PTPRK: variants seen among roughly 807,000 people sequenced by gnomAD.
PTPRK encodes the protein protein tyrosine phosphatase receptor type K, also known as receptor-type tyrosine-protein phosphatase kappa.
In PTPRK, 75 loss-of-function variants were observed where a neutral mutation model predicts 178.0. That is an observed-to-expected ratio of 0.42 (90% CI 0.35 to 0.51). The LOEUF (loss-of-function observed/expected upper bound fraction) is 0.51. Among genes scored for constraint, PTPRK ranks in the 20% least tolerant of loss-of-function variants. PTPRK has a pLI of 0.02. For missense variants in PTPRK, 1,441 were observed against 1,797.8 expected (o/e 0.80, Z 3.59); for synonymous variants, 637 against 620.6 (o/e 1.03, Z -0.39).
intron 7 of PTPRK, among the ~76,000 whole-genome samples, chr6:128,137,890 A>G (rs1365727701): frequency 6.6e-6 from 1 of 152,162 alleles, no homozygotes; most frequent in Non-Finnish European, 1.5e-5. Flanking sequence ...ATGGCAAGTA[A>G]TAATACAAAT....
intron 2 of PTPRK, among the ~76,000 whole-genome samples, chr6:128,324,611 C>T (rs1486314953): frequency 6.6e-6 from 1 of 152,110 alleles, no homozygotes; most frequent in Non-Finnish European, 1.5e-5. Context: ...TAATTCATCT[C>T]TATAGAATGT....
At position 128,242,555 on chromosome 6, in the gene PTPRK, G is replaced by C; in HGVS notation, c.543C>G (p.Ala181=). ...AACTCAGTACTTGGATGTCATCAAT[G>C]GCAATATAACCACTTCTCCCTCCTG... ...EVSGGRSGYI[A]IDDIQVLSYP... is the part of the protein sequence containing the mutation. The change falls in exon 4 of 30, where the codon GCC becomes GCG. Residue 181 remains alanine (A), a synonymous_variant. Coordinates refer to ENST00000368226, the MANE Select transcript of PTPRK (RefSeq NM_002844.4). 1 of 1,612,900 alleles carries C rather than the reference G, an allele frequency of 6.2e-7. No individual in the cohort carries two copies.
Position 127,969,016 on chromosome 6 carries a change from T to C in PTPRK, c.*1211A>G, listed in dbSNP as rs936266738. The C allele has an allele frequency of 1.3e-5, 2 of 152,226 alleles. No individual in the cohort carries two copies. Among genetic ancestry groups the C allele is most frequent in the African/African-American group, 4.8e-5 (2 of 41,468 alleles). 9.4% of individuals were successfully genotyped at this position (152,226 alleles called of 1,614,324 possible). ...AAAACAGGAATCTGGCATTGATTTG[T>C]TCACACTTTTTATAGTCAGAACGCA... On this transcript the variant is annotated 3_prime_UTR_variant, in exon 30 of 30. Coordinates refer to ENST00000368226, the MANE Select transcript of PTPRK (RefSeq NM_002844.4).
intron 24 of PTPRK, among the ~76,000 whole-genome samples, 186 bp downstream of exon 24, chr6:127,982,645 A>G (rs1775485850): frequency 6.6e-6 from 1 of 152,156 alleles, no homozygotes; most frequent in Non-Finnish European, 1.5e-5. Flanking sequence ...CATTTTGGAT[A>G]TAGTAGATAT....
chr6:128,198,407 C>A (rs1805303288), intron 6 of PTPRK, among the ~76,000 whole-genome samples: 1 of 152,020 alleles, frequency 6.6e-6, no homozygotes, highest in South Asian at 2.1e-4. Flanking sequence ...AATCATCCCA[C>A]CTTGAGTTGA....
intron 1 of PTPRK, among the ~76,000 whole-genome samples, chr6:128,423,720 C>T (rs530269601): frequency 3.0e-4 from 45 of 151,856 alleles, no homozygotes; most frequent in East Asian, 1.2e-3. Context: ...CCCAGCTACA[C>T]GGGAGGCTGA....
At chr6:128,474,449 T>C (rs573822019) in intron 1 of PTPRK, among the ~76,000 whole-genome samples, 1 of 151,500 alleles carries the variant, frequency 6.6e-6, no homozygotes, top group East Asian at 1.9e-4. Flanking sequence ...CCTCAGAAAA[T>C]AAAATAAATG....
chr6:128,256,446 A>T (rs1035137471), intron 3 of PTPRK, among the ~76,000 whole-genome samples: 187 of 142,562 alleles, frequency 1.3e-3, no homozygotes, highest in Non-Finnish European at 2.2e-3. Context: ...TATGTTCTTC[A>T]TTTTTTTTTT....
At chr6:128,126,244 C>G (rs866621358) in intron 7 of PTPRK, among the ~76,000 whole-genome samples, 1 of 151,962 alleles carries the variant, frequency 6.6e-6, no homozygotes, top group Non-Finnish European at 1.5e-5. Flanking sequence ...CAGGCCCCAG[C>G]GTGTGATGTT....
intron 3 of PTPRK, among the ~76,000 whole-genome samples, chr6:128,304,073 A>G (rs948620961): frequency 6.6e-6 from 1 of 152,202 alleles, no homozygotes; most frequent in African/African-American, 2.4e-5. Flanking sequence ...AATGTGCTCC[A>G]TATTTTGCCT....
chr6:128,439,177 TG>T (rs1845984625), intron 1 of PTPRK, among the ~76,000 whole-genome samples: 1 of 152,134 alleles, frequency 6.6e-6, no homozygotes, highest in South Asian at 2.1e-4. Context: ...CAAAATTGAT[TG>T]AACAGTTATG....
In PTPRK at chr6:128,067,438, C is replaced by G. The variant is rs562224284; in HGVS notation, c.2157+81G>C. 1.1e-5 allele frequency: 15 copies of G among 1,310,534 alleles called. No individual in the cohort carries two copies. The African/African-American group carries it at 2.2e-4, about 20-fold the overall frequency. The allele number at this position is 1,310,534 out of a possible 1,614,324, so 81.2% of individuals were successfully genotyped here. On this transcript the variant is annotated intron_variant, in intron 12 of 29. Transcript: ENST00000368226. ...TTCTTTTTCTTTTTTTTTTTCTTGA[C>G]GGATGCTACTGAGTATTCATAAAAT...
chr6:128,088,058 A>T (rs1417624408), intron 8 of PTPRK, among the ~76,000 whole-genome samples: 1 of 152,214 alleles, frequency 6.6e-6, no homozygotes, highest in Non-Finnish European at 1.5e-5. Flanking sequence ...GTTATAAAAA[A>T]CATTCTGTTT....
intron 13 of PTPRK, among the ~76,000 whole-genome samples, chr6:128,047,639 A>G (rs915978627): frequency 1.3e-5 from 2 of 152,198 alleles, no homozygotes; most frequent in African/African-American, 4.8e-5. Flanking sequence ...TTTTAAAAAT[A>G]TCATGGTAAT....
intron 13 of PTPRK, among the ~76,000 whole-genome samples, chr6:128,029,549 G>A (rs181271562): frequency 6.6e-5 from 10 of 151,468 alleles, no homozygotes; most frequent in African/African-American, 2.4e-4. Context: ...TACTGGGGAG[G>A]CGAGGCAGAA....
At chr6:128,424,862 T>C (rs1217585725) in intron 1 of PTPRK, among the ~76,000 whole-genome samples, 5 of 152,160 alleles carry the variant, frequency 3.3e-5, no homozygotes, top group Non-Finnish European at 7.4e-5. Flanking sequence ...AAAAAATACA[T>C]TTAAGAATCT....
intron 10 of PTPRK, among the ~76,000 whole-genome samples, chr6:128,079,605 T>C (rs1049842138): frequency 2.0e-5 from 3 of 152,034 alleles, no homozygotes; most frequent in East Asian, 1.9e-4. Flanking sequence ...ATGACTTTCA[T>C]GTAGAAAGCT....
intron 3 of PTPRK, among the ~76,000 whole-genome samples, chr6:128,299,845 T>C (rs551475623): frequency 6.6e-6 from 1 of 152,026 alleles, no homozygotes; most frequent in Non-Finnish European, 1.5e-5. Flanking sequence ...CCAAAAGCAA[T>C]GGCAACAAAA....
chr6:128,040,506 G>C (rs917389171), intron 13 of PTPRK, among the ~76,000 whole-genome samples: 5 of 152,066 alleles, frequency 3.3e-5, no homozygotes, highest in Admixed American at 2.6e-4. Context: ...GGAATTGTAA[G>C]AGGCACAGAT....
Sources: gnomAD v4.1 joint callset for allele counts (sites outside exome capture counted in the v4.1 genomes callset) on GRCh38, gnomAD v4.1.1 for gene constraint, MANE v1.5 for transcripts, NCBI Gene and HGNC (gene_info 2026-07-23, HGNC 2026-07-21) for gene names.